SLIT3: variants seen among roughly 807,000 people sequenced by gnomAD.
SLIT3 encodes slit guidance ligand 3.
Under a neutral mutation model 184.0 loss-of-function variants are expected in SLIT3, and 68 were observed. The ratio of observed to expected loss-of-function variants is 0.37; its 90% CI spans 0.30 to 0.45. The LOEUF (loss-of-function observed/expected upper bound fraction) is 0.45. Among genes scored for constraint, SLIT3 ranks in the 20% least tolerant of loss-of-function variants. The pLI, the probability that SLIT3 is intolerant of heterozygous loss-of-function variation, is 1.00. For missense variants in SLIT3, 1,707 were observed against 2,026.0 expected, an observed-to-expected ratio of 0.84 and a Z score of 3.02; for synonymous variants, 831 against 828.6, an observed-to-expected ratio of 1.00 and a Z score of -0.05.
chr5:168,928,304 A>G (rs1761893184), intron 4 of SLIT3, among the ~76,000 whole-genome samples: 1 of 152,236 alleles, frequency 6.6e-6, no homozygotes, highest in South Asian at 2.1e-4. Flanking sequence ...TTAATATGCT[A>G]GTTATATTTT....
At chr5:168,825,391 T>C (rs1757665651) in intron 6 of SLIT3, among the ~76,000 whole-genome samples, 1 of 152,182 alleles carries the variant, frequency 6.6e-6, no homozygotes, top group Non-Finnish European at 1.5e-5. Flanking sequence ...ACTATCCGTG[T>C]AATCCCCCAC....
Position 169,117,954 on chromosome 5 carries a change from C to T in SLIT3, c.413+75525G>A, listed in dbSNP as rs1344923392. Reference sequence around the variant, plus strand: ...GCTCTCATACAGGCCCAGCATCACACACTAGGACAATGTTATGGTTGTCAC... The same window carrying T: ...GCTCTCATACAGGCCCAGCATCACATACTAGGACAATGTTATGGTTGTCAC... On this transcript the variant is annotated intron_variant, in intron 4 of 35. Coordinates refer to ENST00000519560, the MANE Select transcript of SLIT3 (RefSeq NM_003062.4). Among the ~76,000 whole-genome samples, 4 of 152,230 alleles carry T rather than the reference C, an allele frequency of 2.6e-5. No individual in the cohort carries two copies. In the East Asian group the frequency reaches 5.8e-4, roughly 22 times the overall value.
intron 32 of SLIT3, among the ~76,000 whole-genome samples, chr5:168,677,578 A>G (rs1761454089): frequency 6.6e-6 from 1 of 152,180 alleles, no homozygotes; most frequent in Admixed American, 6.5e-5. Context: ...CTTCCCAAGT[A>G]GCTGGGATTA....
chr5:169,097,739 G>A (rs1187106429), intron 4 of SLIT3, among the ~76,000 whole-genome samples: 3 of 152,182 alleles, frequency 2.0e-5, no homozygotes, highest in African/African-American at 7.2e-5. Flanking sequence ...GTTGGCACTG[G>A]TGCCTTGGAG....
intron 1 of SLIT3, among the ~76,000 whole-genome samples, chr5:169,255,872 G>A (rs1304424511): frequency 6.6e-6 from 1 of 152,184 alleles, no homozygotes; most frequent in African/African-American, 2.4e-5. Context: ...GACAGAGCAA[G>A]ACTCTGTCCC....
At chr5:168,964,540 A>G (rs557327671) in intron 4 of SLIT3, among the ~76,000 whole-genome samples, 1 of 152,362 alleles carries the variant, frequency 6.6e-6, no homozygotes, top group South Asian at 2.1e-4. Context: ...AAGCTGGACA[A>G]AAGGTAAGAA....
chr5:168,976,324 C>A (rs568456788), intron 4 of SLIT3, among the ~76,000 whole-genome samples: 1 of 152,294 alleles, frequency 6.6e-6, no homozygotes, highest in East Asian at 1.9e-4. Context: ...GGCTGCAGAG[C>A]CAAACTTCCT....
intron 16 of SLIT3, among the ~76,000 whole-genome samples, chr5:168,756,196 C>G (rs1754942502): frequency 6.6e-6 from 1 of 152,248 alleles, no homozygotes; most frequent in African/African-American, 2.4e-5. Flanking sequence ...CAGGAGGGCA[C>G]TGCTCCAGGT....
intron 9 of SLIT3, among the ~76,000 whole-genome samples, chr5:168,804,970 T>G (rs1324387716): frequency 6.6e-6 from 1 of 152,192 alleles, no homozygotes; most frequent in Non-Finnish European, 1.5e-5. Context: ...GCACATGCGA[T>G]TCCCTCAACC....
At chr5:168,913,388 A>G (rs1761319026) in intron 4 of SLIT3, among the ~76,000 whole-genome samples, 1 of 152,210 alleles carries the variant, frequency 6.6e-6, no homozygotes, top group South Asian at 2.1e-4. Flanking sequence ...GAAAGGTACC[A>G]TTAGCTTTTC....
intron 4 of SLIT3, among the ~76,000 whole-genome samples, chr5:168,972,043 G>A (rs1262239731): frequency 6.6e-6 from 1 of 152,224 alleles, no homozygotes; most frequent in Admixed American, 6.5e-5. Flanking sequence ...TTTGGAGGAG[G>A]CCATATTACA....
chr5:168,881,471 TTTAAAA>T (rs1759951321), intron 5 of SLIT3, among the ~76,000 whole-genome samples: 1 of 152,236 alleles, frequency 6.6e-6, no homozygotes, highest in South Asian at 2.1e-4. Context: ...AATGGATCCA[TTTAAAA>T]TTAGTGTCAT....
Position 168,925,135 on chromosome 5 carries a change from T to C in SLIT3, c.414-41799A>G, listed in dbSNP as rs116315747. 9.3e-3 allele frequency among the ~76,000 whole-genome samples: 1,423 copies of C among 152,304 alleles called. 19 individuals carry two copies. Among genetic ancestry groups the C allele is most frequent in the African/African-American group, 0.032 (1,349 of 41,552 alleles). ...AGTAACAGAAGCCATTATAGACAGT[T>C]TAAGCAGGAAGTCCAACAATTTGGT... On this transcript the variant is annotated intron_variant, in intron 4 of 35. Transcript: ENST00000519560.
Position 169,179,475 on chromosome 5 carries a change from T to C in SLIT3, c.413+14004A>G, listed in dbSNP as rs142854792. Reference sequence around the variant, plus strand: ...CTTTCCATTTCACTGTATCACAGAATATTATTCCCAGATCTTTGAAACTGC... The same window carrying C: ...CTTTCCATTTCACTGTATCACAGAACATTATTCCCAGATCTTTGAAACTGC... On this transcript the variant is annotated intron_variant, in intron 4 of 35. Transcript: ENST00000519560. Among the ~76,000 whole-genome samples, 105 of 152,278 alleles carry C rather than the reference T, an allele frequency of 6.9e-4. 1 individual carries two copies. The highest frequency in any genetic ancestry group is 2.5e-3 in the African/African-American group (102 of 41,550).
chr5:169,286,472 C>T (rs1288986361), intron 1 of SLIT3, among the ~76,000 whole-genome samples: 1 of 152,118 alleles, frequency 6.6e-6, no homozygotes, highest in African/African-American at 2.4e-5. Context: ...CAGGTCTAAA[C>T]CCCAAATCCC....
chr5:169,047,972 A>G (rs78651179), intron 4 of SLIT3, among the ~76,000 whole-genome samples: 1,701 of 152,226 alleles, frequency 0.011, 40 homozygotes, highest in African/African-American at 0.039. Context: ...TGCTTGTGGA[A>G]GGAAGAAAGC....
intron 4 of SLIT3, among the ~76,000 whole-genome samples, chr5:168,925,703 G>T (rs976451768): frequency 2.6e-5 from 4 of 151,526 alleles, no homozygotes; most frequent in Non-Finnish European, 5.9e-5. Flanking sequence ...TTGTTTCCTT[G>T]ACTTTACAGA....
intron 12 of SLIT3, among the ~76,000 whole-genome samples, chr5:168,783,277 A>C (rs1272501026): frequency 3.7e-5 from 1 of 26,954 alleles, no homozygotes; most frequent in East Asian, 1.1e-3. Context: ...CGCAGCCTCT[A>C]AAAAAACGGA....
intron 20 of SLIT3, among the ~76,000 whole-genome samples, chr5:168,739,256 A>T (rs531717162): frequency 5.9e-5 from 9 of 152,312 alleles, no homozygotes; most frequent in African/African-American, 1.9e-4. Context: ...ACAGATCGGT[A>T]GAGTTATGTA....
Sources: allele counts gnomAD v4.1 joint callset (sites outside exome capture counted in the v4.1 genomes callset), GRCh38; gene constraint gnomAD v4.1.1; transcripts MANE v1.5; gene names NCBI Gene and HGNC (gene_info 2026-07-23, HGNC 2026-07-21).